JPH3: variants seen among roughly 807,000 people sequenced by gnomAD.
JPH3 encodes junctophilin-3.
In JPH3, 11 loss-of-function variants were observed where a neutral mutation model predicts 59.6. The observed-to-expected ratio is 0.18, with a 90% confidence interval of 0.12 to 0.31. The LOEUF (loss-of-function observed/expected upper bound fraction) is 0.31. JPH3 is among the 10% of genes least tolerant of loss of function. JPH3 has a pLI of 1.00. For missense variants in JPH3, 1,202 were observed against 1,105.7 expected (o/e 1.09, Z -1.24); for synonymous variants, 673 against 483.6 (o/e 1.39, Z -5.14).
chr16:87,644,692 C>G lies in JPH3; in HGVS notation c.817C>G (p.Leu273Val). The G allele has an allele frequency of 6.2e-7, 1 of 1,612,196 alleles. No homozygotes were observed. Among genetic ancestry groups the G allele is most frequent in the African/African-American group, 1.3e-5 (1 of 75,044 alleles). ...CAGCCTGGGCGAGGCTGAGGCCGAG[C>G]TGGCGGTCATCGAGGACGACATCGA... Reference protein sequence around the residue: ...TISLGEAEAELAVIEDDIDAT... With the variant: ...TISLGEAEAEVAVIEDDIDAT... Residue 273 changes from leucine (L) to valine (V), a missense_variant, in exon 2 of 5, where the codon CTG (leucine) becomes GTG (valine). By Grantham distance (32) the Leu-to-Val change is conservative. Transcript: ENST00000284262.
rs1567610764 is a variant in JPH3 at position 87,677,218 on chromosome 16, AC to A, written c.1161-6923del. Among the ~76,000 whole-genome samples the A allele has an allele frequency of 8.2e-3, 953 of 116,862 alleles. 13 individuals are homozygous for A. Among genetic ancestry groups the A allele is most frequent in the Non-Finnish European group, 0.011 (672 of 59,646 alleles). The allele number at this position is 116,862 out of a possible 152,430, so 76.7% of individuals were successfully genotyped here. A position where few individuals can be genotyped will look rare whatever the true frequency, so the allele number is the denominator to read the frequency against. The stretch of plus-strand genomic sequence containing the variant: ...CACACACACACACACACACACACAC[AC>A]ACACACAAAAAAAAAAATTAGCCGG... On this transcript the variant is annotated intron_variant, in intron 2 of 4. Coordinates refer to ENST00000284262, the MANE Select transcript of JPH3 (RefSeq NM_020655.4).
At chr16:87,661,814 C>G (rs1395508807) in intron 2 of JPH3, among the ~76,000 whole-genome samples, 1 of 152,210 alleles carries the variant, frequency 6.6e-6, no homozygotes, top group African/African-American at 2.4e-5. Context: ...TTTTCACTGC[C>G]TCTGGGTGCA....
intron 1 of JPH3, among the ~76,000 whole-genome samples, chr16:87,612,900 C>G (rs1204853965): frequency 6.6e-6 from 1 of 151,440 alleles, no homozygotes. Context: ...CGGGCGGGCA[C>G]CTGTAGTCCC....
intron 2 of JPH3, among the ~76,000 whole-genome samples, chr16:87,649,598 A>T (rs4843649): frequency 1.3e-5 from 2 of 151,960 alleles, no homozygotes; most frequent in Non-Finnish European, 2.9e-5. Flanking sequence ...CATTTTCAAC[A>T]GCTGAGACCC....
chr16:87,646,581 T>C (rs1354055316), intron 2 of JPH3, among the ~76,000 whole-genome samples: 1 of 152,230 alleles, frequency 6.6e-6, no homozygotes, highest in Non-Finnish European at 1.5e-5. Context: ...CAGCATTAGC[T>C]CTGGTCTGAT....
chr16:87,614,642 C>T (rs566464563), intron 1 of JPH3, among the ~76,000 whole-genome samples: 1 of 146,298 alleles, frequency 6.8e-6, no homozygotes, highest in African/African-American at 2.5e-5. Flanking sequence ...GTCTGCGCCT[C>T]CCCGTCCCAG....
At chr16:87,609,659 A>T (rs1377959685) in intron 1 of JPH3, among the ~76,000 whole-genome samples, 1 of 152,210 alleles carries the variant, frequency 6.6e-6, no homozygotes, top group Non-Finnish European at 1.5e-5. Context: ...TTGGAGCATA[A>T]CAGGGGTCAT....
intron 1 of JPH3, among the ~76,000 whole-genome samples, chr16:87,640,926 G>A (rs1187143685): frequency 6.6e-6 from 1 of 152,200 alleles, no homozygotes; most frequent in South Asian, 2.1e-4. Context: ...CTGTGTGGGC[G>A]GGTCTGGCCT....
intron 3 of JPH3, among the ~76,000 whole-genome samples, chr16:87,686,397 C>T (rs1250063726): frequency 2.3e-5 from 3 of 131,096 alleles, no homozygotes; most frequent in Admixed American, 7.3e-5. Flanking sequence ...GGGCTCAGTC[C>T]TGGAGTCAGA....
At chr16:87,666,403 T>TTC (rs1684943127) in intron 2 of JPH3, among the ~76,000 whole-genome samples, 3 of 151,276 alleles carry the variant, frequency 2.0e-5, no homozygotes, top group Admixed American at 1.3e-4. Context: ...TTTTTTTTTT[T>TTC]CCCTTGGCAA....
chr16:87,664,069 C>T (rs1048285768), intron 2 of JPH3, among the ~76,000 whole-genome samples: 17 of 152,320 alleles, frequency 1.1e-4, no homozygotes, highest in South Asian at 2.1e-4. Context: ...CGGTGGCTCA[C>T]GCCTGTAATC....
chr16:87,616,239 T>TGTGTGTGTG (rs1491549852), intron 1 of JPH3, among the ~76,000 whole-genome samples: 2 of 105,968 alleles, frequency 1.9e-5, no homozygotes, highest in East Asian at 2.4e-4. Context: ...TGTGTGTGTA[T>TGTGTGTGTG]TTTTTTTTTT....
At chr16:87,648,068 C>T (rs962428787) in intron 2 of JPH3, among the ~76,000 whole-genome samples, 4 of 152,162 alleles carry the variant, frequency 2.6e-5, no homozygotes, top group Admixed American at 2.0e-4. Context: ...GTCATCCTCC[C>T]CCAGCCCTGC....
chr16:87,604,461 A>C (rs1386206608), intron 1 of JPH3: 2 of 1,370,346 alleles, frequency 1.5e-6, no homozygotes, highest in Non-Finnish European at 1.9e-6. Context: ...GACCCCAAAC[A>C]AACTGGCTTC....
chr16:87,678,966 C>T (rs1052936127), intron 2 of JPH3, among the ~76,000 whole-genome samples: 4 of 152,068 alleles, frequency 2.6e-5, no homozygotes, highest in South Asian at 2.1e-4. Context: ...ACTGCAGGAC[C>T]GTGAGAAAAG....
chr16:87,613,871 A>G, intron 1 of JPH3, among the ~76,000 whole-genome samples: 1 of 152,188 alleles, frequency 6.6e-6, no homozygotes, highest in East Asian at 1.9e-4. Context: ...TTCCGCTCCC[A>G]TTTAAAAGAC....
intron 2 of JPH3, among the ~76,000 whole-genome samples, chr16:87,672,030 G>A (rs2033030141): frequency 6.6e-6 from 1 of 152,148 alleles, no homozygotes; most frequent in African/African-American, 2.4e-5. Context: ...GCAGGTGTAG[G>A]GCTGGGCAGG....
At chr16:87,663,126 T>TTTTTTTTTTTTTTTA (rs397787865) in intron 2 of JPH3, among the ~76,000 whole-genome samples, 3 of 151,768 alleles carry the variant, frequency 2.0e-5, no homozygotes, top group Admixed American at 6.6e-5. Flanking sequence ...TTTTTTTTTT[T>TTTTTTTTTTTTTTTA]GAGATGGAGT....
intron 4 of JPH3, among the ~76,000 whole-genome samples, chr16:87,693,049 CCCAA>C (rs1409379068): frequency 6.6e-6 from 1 of 152,234 alleles, no homozygotes; most frequent in Non-Finnish European, 1.5e-5. Flanking sequence ...GCTGGCCCGG[CCCAA>C]CCAAGTTGTC....
Sources: gnomAD v4.1 joint callset for allele counts (sites outside exome capture counted in the v4.1 genomes callset) on GRCh38, gnomAD v4.1.1 for gene constraint, MANE v1.5 for transcripts, NCBI Gene and HGNC (gene_info 2026-07-23, HGNC 2026-07-21) for gene names.